The following JHY variants were observed in gnomAD, a reference collection of about 807,000 sequenced individuals.
The protein encoded by JHY is junctional cadherin complex regulator, also known as jhy protein homolog.
In JHY, 69 loss-of-function variants were observed where a neutral mutation model predicts 78.0. The ratio of observed to expected loss-of-function variants is 0.88; its 90% CI spans 0.73 to 1.08. The LOEUF is 1.08. Ranked by LOEUF, JHY falls within the 50% of genes least tolerant of loss-of-function variation. The pLI, the probability that JHY is intolerant of heterozygous loss-of-function variation, is 0.00. For missense variants in JHY, 944 were observed against 927.8 expected (o/e 1.02, Z -0.23); for synonymous variants, 368 against 342.6 (o/e 1.07, Z -0.82).
intron 6 of JHY, 72 bp from the exon 7 acceptor site, chr11:122,956,424 C>T (rs929378915): frequency 7.5e-7 from 1 of 1,339,844 alleles, no homozygotes; most frequent in Admixed American, 1.8e-5. Context: ...GGCTATGACA[C>T]CTTACAGGGT....
At chr11:122,933,227 T>TA (rs748167742) in intron 4 of JHY, among the ~76,000 whole-genome samples, 1 of 152,208 alleles carries the variant, frequency 6.6e-6, no homozygotes, top group Non-Finnish European at 1.5e-5. Flanking sequence ...CAAGCTAAAA[T>TA]AATCATTCAT....
At chr11:122,951,847 A>G (rs1300444502) in intron 6 of JHY, among the ~76,000 whole-genome samples, 1 of 152,232 alleles carries the variant, frequency 6.6e-6, no homozygotes, top group Non-Finnish European at 1.5e-5. Context: ...AGATGGTGCC[A>G]GAGTCGGTAG....
At chr11:122,958,845 T>C in intron 8 of JHY, 2 of 985,212 alleles carry the variant, frequency 2.0e-6, no homozygotes, top group South Asian at 9.4e-5. Flanking sequence ...TACAGTGATG[T>C]CTTTGGTCTC....
In JHY at chr11:122,885,791, A is replaced by G. The variant is rs1862480992; in HGVS notation, c.-59A>G. 7.5e-7 allele frequency: 1 copy of G among 1,339,780 alleles called. No individual in the cohort carries two copies. The highest frequency in any genetic ancestry group is 1.0e-6 in the Non-Finnish European group (1 of 970,688). The allele number at this position is 1,339,780 out of a possible 1,614,324, so 83.0% of individuals were successfully genotyped here. Reference sequence around the variant, plus strand: ...GCTTTTGTGAACCACAACTTTAAATATCAGCCAGCTGCTCCTATCAACACG... The same window carrying G: ...GCTTTTGTGAACCACAACTTTAAATGTCAGCCAGCTGCTCCTATCAACACG... On this transcript the variant is annotated 5_prime_UTR_variant, in exon 2 of 9. In the 5' UTR this introduces an upstream ATG that the reference lacks. Transcript: ENST00000227349.
chr11:122,906,994 A>AT (rs1394172221), intron 3 of JHY, among the ~76,000 whole-genome samples: 1 of 151,862 alleles, frequency 6.6e-6, no homozygotes, highest in Non-Finnish European at 1.5e-5. Context: ...GACTCCTATT[A>AT]TTTTTTTGAG....
chr11:122,934,772 C>T lies in JHY; in HGVS notation c.1331C>T (p.Pro444Leu), dbSNP rs756237025. Reference protein sequence around the residue: ...NLKETSNTFAPPKQAFDKVLS... With the variant: ...NLKETSNTFALPKQAFDKVLS... ...AAAGAAACCTCCAATACATTTGCTC[C>T]ACCAAAACAGGCTTTTGACAAGGTC... Residue 444 changes from proline to leucine, a missense_variant, in exon 5 of 9, where the codon CCA becomes CTA. Transcript: ENST00000227349. 6.2e-7 allele frequency: 1 copy of T among 1,614,174 alleles called. No homozygotes were observed. Among genetic ancestry groups the T allele is most frequent in the Admixed American group, 1.7e-5 (1 of 60,018 alleles).
chr11:122,927,031 A>G (rs1325423298), intron 4 of JHY: 2 of 152,244 alleles, frequency 1.3e-5, no homozygotes, highest in African/African-American at 4.8e-5. Flanking sequence ...GATCGAGGTA[A>G]AAAGCTTTGC....
At chr11:122,903,626 G>A (rs867990998) in intron 2 of JHY, among the ~76,000 whole-genome samples, 1 of 151,998 alleles carries the variant, frequency 6.6e-6, no homozygotes, top group Non-Finnish European at 1.5e-5. Flanking sequence ...CTACAGGTAC[G>A]ACACCATACC....
chr11:122,898,506 CAACA>C lies in JHY; in HGVS notation c.345-5414_345-5411del, dbSNP rs1174553325. On this transcript the variant is annotated intron_variant, in intron 2 of 8. Coordinates refer to ENST00000227349, the MANE Select transcript of JHY (RefSeq NM_024806.4). The surrounding 1 kb of genome is among the most constrained non-coding windows in gnomAD (Gnocchi z 4.4). ...CCAAGGAAAAAAAACTGAAGACTCA[CAACA>C]AACATTCCCTAGATCATCAAACAGT... 9.2e-5 allele frequency among the ~76,000 whole-genome samples: 14 copies of C among 152,190 alleles called. No homozygotes were observed. The highest frequency in any genetic ancestry group is 7.2e-4 in the Admixed American group (11 of 15,278).
At chr11:122,924,312 A>C (rs957062875) in intron 3 of JHY, among the ~76,000 whole-genome samples, 7 of 152,148 alleles carry the variant, frequency 4.6e-5, no homozygotes, top group African/African-American at 1.7e-4. Flanking sequence ...CTCCGGAGAT[A>C]GACCACCCAG....
At chr11:122,904,625 C>G (rs1862946922) in intron 3 of JHY, among the ~76,000 whole-genome samples, 181 bp downstream of exon 3, 1 of 152,090 alleles carries the variant, frequency 6.6e-6, no homozygotes, top group Non-Finnish European at 1.5e-5. Flanking sequence ...ATTCTTATGA[C>G]CAAAATAAAA....
chr11:122,897,178 T>C (rs1022611300), intron 2 of JHY, among the ~76,000 whole-genome samples: 9 of 152,156 alleles, frequency 5.9e-5, no homozygotes, highest in African/African-American at 2.2e-4. Flanking sequence ...TTAGTTTGCA[T>C]AGTCCTCTCA....
At chr11:122,948,941 G>A (rs12806213) in intron 6 of JHY, among the ~76,000 whole-genome samples, 20 of 152,136 alleles carry the variant, frequency 1.3e-4, no homozygotes, top group African/African-American at 4.3e-4. Flanking sequence ...AAAATTAACC[G>A]GATGTGGTGG....
chr11:122,952,708 T>C (rs1047042372), intron 6 of JHY, among the ~76,000 whole-genome samples: 4 of 152,248 alleles, frequency 2.6e-5, no homozygotes, highest in African/African-American at 9.6e-5. Flanking sequence ...GTCAGTGGAA[T>C]GATTAGAAGT....
chr11:122,954,756 A>G (rs1864155960), intron 6 of JHY, among the ~76,000 whole-genome samples: 1 of 152,206 alleles, frequency 6.6e-6, no homozygotes, highest in South Asian at 2.1e-4. Context: ...CATCTCTACC[A>G]AAAGTACAAA....
chr11:122,951,031 C>G (rs1176745187), intron 6 of JHY, among the ~76,000 whole-genome samples: 1 of 152,210 alleles, frequency 6.6e-6, no homozygotes, highest in Non-Finnish European at 1.5e-5. Flanking sequence ...TAGAAATGAG[C>G]TATTTGTATA....
At chr11:122,906,694 T>G (rs994835198) in intron 3 of JHY, among the ~76,000 whole-genome samples, 7 of 152,238 alleles carry the variant, frequency 4.6e-5, no homozygotes, top group Admixed American at 3.9e-4. Context: ...TATGAACTCT[T>G]TAATTGTTGA....
At chr11:122,908,183 T>G (rs947418549) in intron 3 of JHY, among the ~76,000 whole-genome samples, 2 of 152,176 alleles carry the variant, frequency 1.3e-5, no homozygotes, top group Non-Finnish European at 2.9e-5. Context: ...TCTAGAGCAG[T>G]GGTTCCTAAA....
intron 1 of JHY, among the ~76,000 whole-genome samples, chr11:122,884,397 T>TA: frequency 6.6e-6 from 1 of 151,916 alleles, no homozygotes; most frequent in East Asian, 1.9e-4. Flanking sequence ...AGACAAATTT[T>TA]ACAGCAATTT....
Sources: allele counts gnomAD v4.1 joint callset (sites outside exome capture counted in the v4.1 genomes callset), GRCh38; gene constraint gnomAD v4.1.1; non-coding constraint Gnocchi (gnomAD v3.1); transcripts MANE v1.5; gene names NCBI Gene and HGNC (gene_info 2026-07-23, HGNC 2026-07-21).